PGBD2: variants seen among roughly 807,000 people sequenced by gnomAD.
PGBD2 encodes the protein piggyBac transposable element derived 2.
A neutral mutation model predicts 8.1 loss-of-function variants in PGBD2; 6 were observed. The observed-to-expected ratio is 0.74, with a 90% confidence interval of 0.40 to 1.46. PGBD2 has a LOEUF of 1.46. Ranked by LOEUF, PGBD2 falls within the 40% of genes most tolerant of loss-of-function variation. PGBD2 has a pLI of 0.02. For missense variants in PGBD2, 802 were observed against 739.0 expected, an observed-to-expected ratio of 1.09 and a Z score of -0.99; for synonymous variants, 318 against 272.2, an observed-to-expected ratio of 1.17 and a Z score of -1.66.
In PGBD2 at chr1:248,916,765, G is replaced by T. The variant is rs765270170; in HGVS notation, c.181G>T (p.Asp61Tyr). 3.1e-6 allele frequency: 5 copies of T among 1,614,074 alleles called. No individual in the cohort carries two copies. In the African/African-American group the frequency reaches 6.7e-5, roughly 22 times the overall value. ...AGEFTDEDSG[D>Y]EDSQRGAHLP... Reference sequence around the variant, plus strand: ...GGAATTCACTGATGAGGACTCAGGGGATGAAGACAGCCAGCGAGGTGCTCA... The same window carrying T: ...GGAATTCACTGATGAGGACTCAGGGTATGAAGACAGCCAGCGAGGTGCTCA... Residue 61 changes from aspartate (D) to tyrosine (Y), a missense_variant, in exon 3 of 3, where the codon GAT (aspartate) becomes TAT (tyrosine). Physicochemically the swap from Asp to Tyr is radical, Grantham distance 160. Transcript: ENST00000329291.
chr1:248,924,770 T>G (rs1199516139), downstream of PGBD2, among the ~76,000 whole-genome samples: 2 of 152,208 alleles, frequency 1.3e-5, no homozygotes, highest in African/African-American at 4.8e-5. Flanking sequence ...ATGTAGCTGA[T>G]GCAGATACAG....
the PGBD2 span, among the ~76,000 whole-genome samples, chr1:248,881,645 A>G: frequency 6.6e-6 from 1 of 152,222 alleles, no homozygotes. Context: ...GACTTTATTT[A>G]AATTTCTATA....
chr1:248,926,303 T>C, the PGBD2 span, among the ~76,000 whole-genome samples: 4,528 of 152,230 alleles, frequency 0.03, 248 homozygotes, highest in African/African-American at 0.1. Context: ...TAATTTTACA[T>C]TATTATTAAT....
the PGBD2 span, among the ~76,000 whole-genome samples, chr1:248,877,358 C>T: frequency 6.6e-6 from 1 of 152,206 alleles, no homozygotes; most frequent in East Asian, 1.9e-4. Flanking sequence ...TGTAGCCAAG[C>T]TTGCCGTGGC....
chr1:248,917,555 T>C lies in PGBD2; in HGVS notation c.971T>C (p.Leu324Ser), dbSNP rs1210364892. 1 of 1,614,172 alleles carries C rather than the reference T, an allele frequency of 6.2e-7. No individual in the cohort carries two copies. Among genetic ancestry groups the C allele is most frequent in the African/African-American group, 1.3e-5 (1 of 75,030 alleles). ...CTGTTTACCAAGCCAGACAGGAGCT[T>C]GGATCTAGGAGGCAGTATGGTAATA... is the stretch of plus-strand genomic sequence containing the variant. ...GTLFTKPDRS[L>S]DLGGSMVIKF... The change falls in exon 3 of 3, where the codon TTG (leucine) becomes TCG (serine). Residue 324 changes from leucine (L) to serine (S), a missense_variant. Transcript: ENST00000329291.
At chr1:248,913,041 A>T (rs965024888) in intron 1 of PGBD2, among the ~76,000 whole-genome samples, 1 of 152,038 alleles carries the variant, frequency 6.6e-6, no homozygotes, top group Non-Finnish European at 1.5e-5. Flanking sequence ...ACCTCAGGTG[A>T]TCTGCCCGCC....
At chr1:248,927,801 G>T in the PGBD2 span, among the ~76,000 whole-genome samples, 17 of 152,062 alleles carry the variant, frequency 1.1e-4, no homozygotes, top group Admixed American at 1.1e-3. Flanking sequence ...GATAGAGAAA[G>T]GTAGAAAAAA....
chr1:248,910,754 G>A (rs1661843504), intron 1 of PGBD2, among the ~76,000 whole-genome samples: 1 of 152,168 alleles, frequency 6.6e-6, no homozygotes, highest in African/African-American at 2.4e-5. Flanking sequence ...AAAGCCCATG[G>A]GGACTCATGT....
chr1:248,918,360 G>T lies in PGBD2; in HGVS notation c.1776G>T (p.Arg592=). 6.5e-7 allele frequency: 1 copy of T among 1,542,480 alleles called. No homozygotes were observed. Among genetic ancestry groups the T allele is most frequent in the Non-Finnish European group, 8.7e-7 (1 of 1,145,900 alleles). ...HAKCFREYHI[R] ...AATGCTTCAGGGAGTACCACATCCG[G>T]TGACATCATGAGACATGCTTCTTTG... is the stretch of plus-strand genomic sequence containing the variant. The change falls in exon 3 of 3, where the codon CGG becomes CGT. Residue 592 remains arginine (R), a synonymous_variant. Transcript: ENST00000329291.
At chr1:248,873,421 G>A in the PGBD2 span, among the ~76,000 whole-genome samples, 1 of 152,236 alleles carries the variant, frequency 6.6e-6, no homozygotes, top group African/African-American at 2.4e-5. Flanking sequence ...CAATAAAGCA[G>A]AAAGCCGCTA....
At chr1:248,907,014 C>T (rs1274893115) in intron 1 of PGBD2, among the ~76,000 whole-genome samples, 4 of 152,064 alleles carry the variant, frequency 2.6e-5, no homozygotes, top group East Asian at 1.9e-4. Flanking sequence ...TATAGAGAAA[C>T]CACAGTGGGC....
In PGBD2 at chr1:248,917,752, C is replaced by G; in HGVS notation, c.1168C>G (p.Leu390Val). The stretch of plus-strand genomic sequence containing the variant: ...ATGTCCCCTAAAAGACCCCAAAGAA[C>G]TGAAAAAAATGAAGAGGGGTTCATT... ...ERCPLKDPKE[L>V]KKMKRGSFDY... The change falls in exon 3 of 3, where the codon CTG becomes GTG. Residue 390 changes from leucine (L) to valine (V), a missense_variant. Leu to Val is a conservative substitution (Grantham distance 32, BLOSUM62 1). Coordinates refer to ENST00000329291, the MANE Select transcript of PGBD2 (RefSeq NM_170725.3). 2 of 1,614,044 alleles carry G rather than the reference C, an allele frequency of 1.2e-6. No individual in the cohort carries two copies. Among genetic ancestry groups the G allele is most frequent in the Non-Finnish European group, 1.7e-6 (2 of 1,180,006 alleles).
downstream of PGBD2, among the ~76,000 whole-genome samples, chr1:248,921,073 T>G (rs1405276199): frequency 6.6e-6 from 1 of 152,176 alleles, no homozygotes; most frequent in Non-Finnish European, 1.5e-5. Flanking sequence ...GCAAAAATTG[T>G]CTCCCGTTCT....
chr1:248,899,451 AACC>A, the PGBD2 span, among the ~76,000 whole-genome samples: 1 of 152,122 alleles, frequency 6.6e-6, no homozygotes. Flanking sequence ...ACTCACTCAA[AACC>A]ACACCACTAC....
At chr1:248,894,999 C>A in the PGBD2 span, among the ~76,000 whole-genome samples, 4 of 152,146 alleles carry the variant, frequency 2.6e-5, no homozygotes, top group Admixed American at 6.5e-5. Flanking sequence ...GAGATGGGAT[C>A]TTGCTATGTT....
chr1:248,874,826 C>G, the PGBD2 span, among the ~76,000 whole-genome samples: 1 of 152,046 alleles, frequency 6.6e-6, no homozygotes, highest in African/African-American at 2.4e-5. Flanking sequence ...TTCTCTTTAC[C>G]TGCAATCAAC....
At chr1:248,904,200 A>G (rs537618879), upstream of PGBD2, among the ~76,000 whole-genome samples, 1 of 152,148 alleles carries the variant, frequency 6.6e-6, no homozygotes, top group South Asian at 2.1e-4. Context: ...TTTTCCTTAA[A>G]GCTTATTTAG....
rs754695927 is a variant in PGBD2, at chr1:248,918,296, A to G, written c.1712A>G (p.Asn571Ser). The change falls in exon 3 of 3, where the codon AAC becomes AGC. Residue 571 changes from asparagine to serine, a missense_variant. Physicochemically the swap from Asn to Ser is conservative, Grantham distance 46 (BLOSUM62 1). Transcript: ENST00000329291. ...TGTGCCCTCTGCCACTCACAGACCA[A>G]CACCCGGTGTGAGAAGTGCCAGAAG... is the stretch of plus-strand genomic sequence containing the variant. ...TRCALCHSQT[N>S]TRCEKCQKGV... 9 of 1,599,006 alleles carry G rather than the reference A, an allele frequency of 5.6e-6. No homozygotes were observed. In the South Asian group the frequency reaches 9.1e-5, roughly 16 times the overall value.
chr1:248,927,801 G>A, the PGBD2 span, among the ~76,000 whole-genome samples: 1 of 152,062 alleles, frequency 6.6e-6, no homozygotes, highest in Non-Finnish European at 1.5e-5. Context: ...GATAGAGAAA[G>A]GTAGAAAAAA....
Sources: allele counts gnomAD v4.1 joint callset (sites outside exome capture counted in the v4.1 genomes callset), GRCh38; gene constraint gnomAD v4.1.1; transcripts MANE v1.5; gene names NCBI Gene and HGNC (gene_info 2026-07-23, HGNC 2026-07-21).